The following BCL2 variants were observed in gnomAD, a reference collection of about 807,000 sequenced individuals.
BCL2 encodes the protein BCL2 apoptosis regulator.
Under a neutral mutation model 14.2 loss-of-function variants are expected in BCL2, and 1 was observed. The observed-to-expected ratio is 0.07, with a 90% CI of 0.02 to 0.33. BCL2 has a LOEUF of 0.33. Ranked by LOEUF, BCL2 falls within the 10% of genes least tolerant of loss-of-function variation. The pLI is 0.99. For synonymous variants in BCL2, 151 were observed against 137.2 expected (o/e 1.10, Z -0.70); for missense variants, 247 against 305.9 (o/e 0.81, Z 1.44).
At position 63,318,522 on chromosome 18, in the gene BCL2, A is replaced by G; in HGVS notation, c.145T>C (p.Phe49Leu). Residue 49 changes from phenylalanine to leucine, a missense_variant, in exon 2 of 3, where the codon TTC becomes CTC. Around this residue, in one of 3 missense-constraint regions of BCL2, gnomAD observed 144 missense variants for 135.3 expected, o/e 1.06. Transcript: ENST00000333681. This position sits in a 1 kb window ranked among gnomAD's most constrained non-coding sequence, Gnocchi z 7.4. ...PPGAAPAPGI[F>L]SSQPGHTPHP... ...GGCGTGTGCCCGGGCTGGGAGGAGA[A>G]GATGCCCGGTGCGGGGGCGGCCCCC... 1 of 1,572,866 alleles carries G rather than the reference A, an allele frequency of 6.4e-7. No homozygotes were observed. Among genetic ancestry groups the G allele is most frequent in the Non-Finnish European group, 8.6e-7 (1 of 1,165,122 alleles).
chr18:63,263,834 T>G (rs1911734493), intron 2 of BCL2, among the ~76,000 whole-genome samples: 1 of 150,922 alleles, frequency 6.6e-6, no homozygotes, highest in South Asian at 2.1e-4. Flanking sequence ...CTGCTGCAAA[T>G]TTTTTTTTTA....
intron 2 of BCL2, among the ~76,000 whole-genome samples, chr18:63,200,361 T>C (rs1363292190): frequency 6.6e-6 from 1 of 152,234 alleles, no homozygotes; most frequent in East Asian, 1.9e-4. Flanking sequence ...TTCTAAAATG[T>C]TCCCAGTGGC....
intron 2 of BCL2, chr18:63,317,654 G>T: frequency 1.4e-5 from 14 of 1,026,814 alleles, no homozygotes; most frequent in Non-Finnish European, 1.4e-5. Context: ...AGGGGAGCTT[G>T]TTTGGGATGC....
At chr18:63,163,790 C>CGAA (rs1178160162) in intron 2 of BCL2, among the ~76,000 whole-genome samples, 1 of 152,312 alleles carries the variant, frequency 6.6e-6, no homozygotes, top group Admixed American at 6.5e-5. Flanking sequence ...CCCCACTTCA[C>CGAA]ACATGAGGAG....
chr18:63,126,963 A>T lies in BCL2; in HGVS notation c.*1662T>A. On this transcript the variant is annotated 3_prime_UTR_variant, in exon 3 of 3. Coordinates refer to ENST00000333681, the MANE Select transcript of BCL2 (RefSeq NM_000633.3). ...CAAGGCTGATTCTAAACTGGAAGAA[A>T]AAAAAATTTCCTAGTTTATTTGCTG... is the stretch of plus-strand genomic sequence containing the variant. 1 of 227,242 alleles carries T rather than the reference A, an allele frequency of 4.4e-6. No individual in the cohort carries two copies. The highest frequency in any genetic ancestry group is 1.8e-4 in the South Asian group (1 of 5,472). The allele number at this position is 227,242 out of a possible 1,614,324, so 14.1% of individuals were successfully genotyped here. A position where few individuals can be genotyped will look rare whatever the true frequency, so the allele number is the denominator to read the frequency against.
intron 2 of BCL2, among the ~76,000 whole-genome samples, chr18:63,258,486 T>C (rs1157749995): frequency 6.6e-6 from 1 of 152,198 alleles, no homozygotes; most frequent in Non-Finnish European, 1.5e-5. Flanking sequence ...TTCTGTGTTA[T>C]TTGGCTTTTT....
intron 2 of BCL2, among the ~76,000 whole-genome samples, chr18:63,309,267 T>G (rs1368525180): frequency 6.6e-6 from 1 of 152,194 alleles, no homozygotes; most frequent in African/African-American, 2.4e-5. Context: ...CCTACATGAT[T>G]CGAGGGGAAA....
chr18:63,148,161 T>G (rs141009208), intron 2 of BCL2, among the ~76,000 whole-genome samples: 1 of 152,322 alleles, frequency 6.6e-6, no homozygotes. Flanking sequence ...ACATCAACCT[T>G]GGCATGTATG....
intron 2 of BCL2, among the ~76,000 whole-genome samples, chr18:63,206,759 C>T (rs1909847301): frequency 1.3e-5 from 2 of 151,852 alleles, no homozygotes; most frequent in Non-Finnish European, 2.9e-5. Context: ...AAGAAGGGGA[C>T]TCTGGTGTGG....
chr18:63,169,932 C>T (rs1481611610), intron 2 of BCL2, among the ~76,000 whole-genome samples: 5 of 152,132 alleles, frequency 3.3e-5, no homozygotes, highest in African/African-American at 1.2e-4. Context: ...TGTTCTTTTA[C>T]ACATTTTTCA....
rs1028923351 is a variant in BCL2 at position 63,127,699 on chromosome 18, G to A, written c.*926C>T. The A allele has an allele frequency of 4.4e-6, 1 of 227,760 alleles. No homozygotes were observed. The highest frequency in any genetic ancestry group is 2.2e-5 in the African/African-American group (1 of 45,068). The allele number at this position is 227,760 out of a possible 1,614,324, so 14.1% of individuals were successfully genotyped here. On this transcript the variant is annotated 3_prime_UTR_variant, in exon 3 of 3. Coordinates refer to ENST00000333681, the MANE Select transcript of BCL2 (RefSeq NM_000633.3). ...CACTTGTGGCGGCCTGATGCTCTGGGTAACTCTAGCCTTCCTGATGCGGAA... is the reference window on the plus strand; with the variant it reads ...CACTTGTGGCGGCCTGATGCTCTGGATAACTCTAGCCTTCCTGATGCGGAA...
chr18:63,159,367 G>A (rs1043585740), intron 2 of BCL2, among the ~76,000 whole-genome samples: 6 of 152,180 alleles, frequency 3.9e-5, no homozygotes, highest in African/African-American at 9.7e-5. Context: ...AATTTCACAC[G>A]AACATCACTG....
intron 2 of BCL2, among the ~76,000 whole-genome samples, chr18:63,208,716 T>C (rs985700638): frequency 2.0e-5 from 3 of 152,170 alleles, no homozygotes; most frequent in Non-Finnish European, 4.4e-5. Context: ...GCTGCATTGT[T>C]CCTAACAACT....
At chr18:63,255,740 G>A (rs913566899) in intron 2 of BCL2, among the ~76,000 whole-genome samples, 5 of 152,026 alleles carry the variant, frequency 3.3e-5, no homozygotes, top group African/African-American at 1.2e-4. Flanking sequence ...GTTGTGAAGA[G>A]GACCTCATCG....
intron 2 of BCL2, among the ~76,000 whole-genome samples, chr18:63,304,111 T>G (rs1372352169): frequency 1.3e-5 from 2 of 152,236 alleles, no homozygotes; most frequent in African/African-American, 4.8e-5. Flanking sequence ...TCAGCACCCT[T>G]GCACTGCATT....
chr18:63,261,979 C>T (rs1911673547), intron 2 of BCL2, among the ~76,000 whole-genome samples: 1 of 152,112 alleles, frequency 6.6e-6, no homozygotes, highest in African/African-American at 2.4e-5. Flanking sequence ...AATGTTTCCC[C>T]ATGTTGGCCA....
At chr18:63,257,741 C>T (rs187408284) in intron 2 of BCL2, among the ~76,000 whole-genome samples, 3 of 152,270 alleles carry the variant, frequency 2.0e-5, no homozygotes, top group Admixed American at 2.0e-4. Context: ...GTGATGCTCT[C>T]TAAGGTCAAC....
intron 2 of BCL2, among the ~76,000 whole-genome samples, chr18:63,306,533 C>T (rs1913140610): frequency 6.6e-6 from 1 of 152,218 alleles, no homozygotes; most frequent in South Asian, 2.1e-4. Context: ...ACCATGTGGC[C>T]GCTTGCCTCT....
intron 2 of BCL2, among the ~76,000 whole-genome samples, chr18:63,283,214 A>G (rs1405593598): frequency 6.6e-6 from 1 of 152,246 alleles, no homozygotes; most frequent in African/African-American, 2.4e-5. Context: ...GTATGGCAAC[A>G]AAAATACCAA....
Sources: gnomAD v4.1 joint callset for allele counts (sites outside exome capture counted in the v4.1 genomes callset) on GRCh38, gnomAD v4.1.1 for gene constraint, gnomAD v4.1.1 regional missense constraint, Gnocchi (gnomAD v3.1) non-coding constraint, MANE v1.5 for transcripts, NCBI Gene and HGNC (gene_info 2026-07-23, HGNC 2026-07-21) for gene names.